Variants in PPP2R5C observed in about 807,000 individuals in gnomAD.
PPP2R5C encodes the protein protein phosphatase 2 regulatory subunit B'gamma.
PPP2R5C carries 7 observed loss-of-function variants against 68.9 expected under a neutral mutation model. That is an observed-to-expected ratio of 0.10 (90% CI 0.06 to 0.19). PPP2R5C has a LOEUF of 0.19. PPP2R5C is among the 10% of genes least tolerant of loss of function. PPP2R5C has a pLI of 1.00. For missense variants in PPP2R5C, 348 were observed against 641.3 expected (o/e 0.54, Z 4.94); for synonymous variants, 210 against 222.2 (o/e 0.95, Z 0.49).
At chr14:101,860,004 C>T (rs2042659014) in intron 2 of PPP2R5C, among the ~76,000 whole-genome samples, 1 of 151,516 alleles carries the variant, frequency 6.6e-6, no homozygotes, top group Non-Finnish European at 1.5e-5. Flanking sequence ...GACTGGACTG[C>T]TAGATGGTTT....
intron 1 of PPP2R5C, among the ~76,000 whole-genome samples, chr14:101,827,036 G>T (rs966296527): frequency 2.0e-4 from 30 of 148,480 alleles, no homozygotes; most frequent in Non-Finnish European, 6.0e-5. Context: ...AGTGCAGTGG[G>T]GTGATCTCGG....
chr14:101,817,017 G>A (rs1429813778), intron 1 of PPP2R5C, among the ~76,000 whole-genome samples: 5 of 148,042 alleles, frequency 3.4e-5, no homozygotes, highest in African/African-American at 7.5e-5. Flanking sequence ...GAGTGCAGTG[G>A]AGCAATCTCA....
chr14:101,831,892 C>A, intron 1 of PPP2R5C: 1 of 596,178 alleles, frequency 1.7e-6, no homozygotes, highest in South Asian at 1.9e-5. Flanking sequence ...TTTAACTTGT[C>A]CAAAGACATT....
intron 1 of PPP2R5C, among the ~76,000 whole-genome samples, chr14:101,812,237 C>T (rs906050066): frequency 3.9e-5 from 6 of 152,196 alleles, no homozygotes; most frequent in African/African-American, 1.4e-4. Context: ...GATTAAGTTG[C>T]AGCCCCTGTC....
chr14:101,924,443 A>ATTTTTTTTTTTTTTTTTTTTTT (rs2047175999), intron 13 of PPP2R5C, among the ~76,000 whole-genome samples: 3 of 56,854 alleles, frequency 5.3e-5, no homozygotes, highest in Non-Finnish European at 9.5e-5. Flanking sequence ...AAATTTCTAC[A>ATTTTTTTTTTTTTTTTTTTTTT]TCTTTTTTTT....
At chr14:101,889,936 G>A (rs1381608517) in intron 5 of PPP2R5C, 8 of 518,758 alleles carry the variant, frequency 1.5e-5, no homozygotes, top group East Asian at 4.9e-5. Flanking sequence ...GTCGAATCTG[G>A]TGGTTGAAAT....
At chr14:101,815,148 C>G (rs1595237456) in intron 1 of PPP2R5C, among the ~76,000 whole-genome samples, 1 of 152,124 alleles carries the variant, frequency 6.6e-6, no homozygotes, top group African/African-American at 2.4e-5. Context: ...CACTACCGCC[C>G]CTGCCTTTTT....
rs377177000 is a variant in PPP2R5C, at chr14:101,912,363, T to C, written c.1254-38T>C. 4 of 1,524,398 alleles carry C rather than the reference T, an allele frequency of 2.6e-6. No individual in the cohort carries two copies. In the African/African-American group the frequency reaches 5.6e-5, roughly 22 times the overall value. 94.4% of individuals were successfully genotyped at this position (1,524,398 alleles called of 1,614,324 possible). A position where few individuals can be genotyped will look rare whatever the true frequency, so the allele number is the denominator to read the frequency against. ...CCCTTCAGTGTGTTCTTGTGTCTGA[T>C]GCATCTCTAACACAGATGACATTTT... On this transcript the variant is annotated intron_variant, in intron 11 of 13. Coordinates refer to ENST00000334743, the Ensembl canonical transcript of PPP2R5C.
chr14:101,881,956 C>T (rs1466673766), intron 2 of PPP2R5C, among the ~76,000 whole-genome samples: 4 of 152,132 alleles, frequency 2.6e-5, no homozygotes, highest in Admixed American at 1.3e-4. Flanking sequence ...AACTTGCGTG[C>T]GCACCTGTCC....
At chr14:101,924,125 G>A (rs1049898706) in intron 13 of PPP2R5C, among the ~76,000 whole-genome samples, 8 of 152,122 alleles carry the variant, frequency 5.3e-5, no homozygotes, top group African/African-American at 1.7e-4. Flanking sequence ...TTATTGTTTT[G>A]TTTCAGAATA....
At chr14:101,883,398 C>T in intron 4 of PPP2R5C, 34 bp from the exon 7 acceptor site, 1 of 1,612,170 alleles carries the variant, frequency 6.2e-7, no homozygotes, top group African/African-American at 1.3e-5. Context: ...GGAATGATGA[C>T]ACCCAGCCAC....
intron 2 of PPP2R5C, among the ~76,000 whole-genome samples, chr14:101,868,966 G>A (rs1377655741): frequency 6.6e-6 from 1 of 152,170 alleles, no homozygotes; most frequent in African/African-American, 2.4e-5. Flanking sequence ...TGGCTGGAGT[G>A]CAGTGGCACC....
chr14:101,809,909 TAAG>T, exon 1 of PPP2R5C: 2 of 1,608,162 alleles, frequency 1.2e-6, no homozygotes, highest in Non-Finnish European at 1.7e-6. Flanking sequence ...TTTCTTGCCT[TAAG>T]GAGCCCATTG....
intron 2 of PPP2R5C, among the ~76,000 whole-genome samples, chr14:101,775,753 A>G (rs913365065): frequency 5.9e-5 from 9 of 152,272 alleles, no homozygotes; most frequent in African/African-American, 2.2e-4. Context: ...GAACTCCTGC[A>G]TAATTTCAAG....
upstream of PPP2R5C, chr14:101,809,696 C>A: frequency 1.5e-6 from 1 of 663,062 alleles, no homozygotes; most frequent in Non-Finnish European, 2.1e-6. Flanking sequence ...TGCAAAAAGC[C>A]GGAAAATATC....
chr14:101,919,270 T>C (rs2046879462), intron 13 of PPP2R5C, among the ~76,000 whole-genome samples: 1 of 152,178 alleles, frequency 6.6e-6, no homozygotes, highest in African/African-American at 2.4e-5. Flanking sequence ...TTTTCTTAGC[T>C]CATCAAAGCC....
intron 8 of PPP2R5C, among the ~76,000 whole-genome samples, chr14:101,898,952 G>T (rs1039201176): frequency 2.0e-5 from 3 of 152,140 alleles, no homozygotes. Flanking sequence ...AGGACACCTG[G>T]TGTCCACGTC....
rs893451316 is a variant in PPP2R5C, at chr14:101,825,547, T to C, written c.94+15511T>C. ...TCGATGAGGGCAACAGAACACAGCA[T>C]GCAGGCGGAACTGTGCAGGTCAGTC... On this transcript the variant is annotated intron_variant, in intron 1 of 13. Coordinates refer to ENST00000334743, the Ensembl canonical transcript of PPP2R5C. The surrounding 1 kb of genome is among the most constrained non-coding windows in gnomAD (Gnocchi z 4.0). Among the ~76,000 whole-genome samples the C allele has an allele frequency of 3.9e-5, 6 of 152,202 alleles. No individual in the cohort carries two copies. Among genetic ancestry groups the C allele is most frequent in the Non-Finnish European group, 5.9e-5 (4 of 68,042 alleles).
intron 5 of PPP2R5C, among the ~76,000 whole-genome samples, chr14:101,883,951 G>A (rs2044317867): frequency 6.6e-6 from 1 of 152,194 alleles, no homozygotes; most frequent in South Asian, 2.1e-4. Flanking sequence ...AATATATGAA[G>A]GGGAGTTTAT....
Sources: gnomAD v4.1 joint callset for allele counts (sites outside exome capture counted in the v4.1 genomes callset) on GRCh38, gnomAD v4.1.1 for gene constraint, Gnocchi (gnomAD v3.1) non-coding constraint, MANE v1.5 for transcripts, NCBI Gene and HGNC (gene_info 2026-07-23, HGNC 2026-07-21) for gene names.